The following IQCM variants were observed in gnomAD, a reference collection of about 807,000 sequenced individuals.
IQCM encodes the protein IQ motif containing M.
Under a neutral mutation model 57.6 loss-of-function variants are expected in IQCM, and 45 were observed. That is an observed-to-expected ratio of 0.78 (90% CI 0.62 to 1.00). The LOEUF (loss-of-function observed/expected upper bound fraction) is 1.00, where lower values mean the gene tolerates loss of function less well. Among genes scored for constraint, IQCM ranks in the 50% least tolerant of loss-of-function variants. IQCM has a pLI of 0.00. For missense variants in IQCM, 468 were observed against 511.6 expected, an observed-to-expected ratio of 0.91 and a Z score of 0.82; for synonymous variants, 148 against 158.9, an observed-to-expected ratio of 0.93 and a Z score of 0.51.
chr4:149,423,071 G>T (rs1234250035), intron 13 of IQCM, among the ~76,000 whole-genome samples: 1 of 151,888 alleles, frequency 6.6e-6, no homozygotes, highest in Non-Finnish European at 1.5e-5. Flanking sequence ...ATTTTAGAAG[G>T]GCTGGTTATG....
intron 13 of IQCM, among the ~76,000 whole-genome samples, chr4:149,413,349 G>T (rs774189069): frequency 1.2e-4 from 18 of 152,144 alleles, no homozygotes; most frequent in Non-Finnish European, 2.2e-4. Context: ...GAAAGAAATC[G>T]GGTGGAGCCC....
At chr4:149,702,336 A>G (rs1403416210) in intron 5 of IQCM, among the ~76,000 whole-genome samples, 4 of 148,532 alleles carry the variant, frequency 2.7e-5, no homozygotes, top group African/African-American at 9.9e-5. Flanking sequence ...ACACACCCAT[A>G]GCACATTGGC....
intron 12 of IQCM, among the ~76,000 whole-genome samples, chr4:149,542,242 A>G (rs2149878997): frequency 6.6e-6 from 1 of 152,222 alleles, no homozygotes; most frequent in Admixed American, 6.5e-5. Flanking sequence ...TAATAAAAAT[A>G]TGCTTTTAAA....
Position 149,633,721 on chromosome 4 carries a change from T to A in IQCM, c.566-12477A>T, listed in dbSNP as rs866475098. On this transcript the variant is annotated intron_variant, in intron 7 of 13. Coordinates refer to ENST00000636793, the MANE Select transcript of IQCM (RefSeq NM_001363507.2). ...GTCCACATATGAACCTTTCCTCCAG[T>A]TAAACTACTCTACGACCTTAACCTG... Among the ~76,000 whole-genome samples, 3 of 152,202 alleles carry A rather than the reference T, an allele frequency of 2.0e-5. No homozygotes were observed. In the South Asian group the frequency reaches 6.2e-4, roughly 32 times the overall value.
At chr4:149,357,890 T>G (rs1219061340) in intron 13 of IQCM, among the ~76,000 whole-genome samples, 1 of 152,222 alleles carries the variant, frequency 6.6e-6, no homozygotes, top group Non-Finnish European at 1.5e-5. Flanking sequence ...TTTTTTTGGT[T>G]GGTAAGCTAT....
At chr4:149,782,881 C>T (rs955337833) in intron 2 of IQCM, among the ~76,000 whole-genome samples, 2 of 152,134 alleles carry the variant, frequency 1.3e-5, no homozygotes, top group African/African-American at 4.8e-5. Context: ...TTCTCTTTCA[C>T]CTTCCACCCT....
At chr4:149,623,231 T>G (rs2150077386) in intron 7 of IQCM, among the ~76,000 whole-genome samples, 1 of 152,314 alleles carries the variant, frequency 6.6e-6, no homozygotes, top group African/African-American at 2.4e-5. Flanking sequence ...CTGAAAAGGT[T>G]AAATCTTACA....
chr4:149,458,356 GA>G (rs1232213413), intron 12 of IQCM, among the ~76,000 whole-genome samples: 2 of 151,890 alleles, frequency 1.3e-5, no homozygotes, highest in Non-Finnish European at 2.9e-5. Flanking sequence ...CAGGAAAAAA[GA>G]AATGATAAAA....
intron 12 of IQCM, among the ~76,000 whole-genome samples, chr4:149,542,049 CT>C (rs1178070914): frequency 3.3e-5 from 5 of 151,886 alleles, no homozygotes; most frequent in African/African-American, 1.2e-4. Flanking sequence ...AATTTAGCTC[CT>C]TTTTGTATCA....
intron 12 of IQCM, among the ~76,000 whole-genome samples, chr4:149,512,892 G>A (rs1359083340): frequency 6.6e-6 from 1 of 152,044 alleles, no homozygotes; most frequent in African/African-American, 2.4e-5. Context: ...TAACAAAGAG[G>A]GATTTAATCT....
intron 13 of IQCM, among the ~76,000 whole-genome samples, chr4:149,353,989 T>C (rs1380171775): frequency 6.6e-6 from 1 of 152,212 alleles, no homozygotes; most frequent in Admixed American, 6.5e-5. Flanking sequence ...TGCTTCACTA[T>C]AGTAACTATT....
chr4:149,457,671 A>T (rs1737842982), intron 12 of IQCM, among the ~76,000 whole-genome samples: 1 of 152,072 alleles, frequency 6.6e-6, no homozygotes, highest in East Asian at 1.9e-4. Flanking sequence ...AAATATAGAA[A>T]GTTATTTCTT....
At chr4:149,668,375 G>T (rs1225694137) in intron 7 of IQCM, among the ~76,000 whole-genome samples, 2 of 152,142 alleles carry the variant, frequency 1.3e-5, no homozygotes, top group Admixed American at 1.3e-4. Flanking sequence ...ACAAGCAAAT[G>T]TTGAGAGATT....
intron 10 of IQCM, among the ~76,000 whole-genome samples, chr4:149,556,251 A>C (rs1579476912): frequency 6.6e-6 from 1 of 152,208 alleles, no homozygotes; most frequent in East Asian, 1.9e-4. Context: ...ACATTTAATA[A>C]AATTTTCCAG....
chr4:149,775,320 A>T (rs1299723560), intron 2 of IQCM, among the ~76,000 whole-genome samples: 1 of 152,190 alleles, frequency 6.6e-6, no homozygotes, highest in Non-Finnish European at 1.5e-5. Flanking sequence ...CAAGACAAAA[A>T]AAAAAGTAGT....
At chr4:149,501,048 T>C (rs1743190704) in intron 12 of IQCM, among the ~76,000 whole-genome samples, 1 of 152,222 alleles carries the variant, frequency 6.6e-6, no homozygotes, top group African/African-American at 2.4e-5. Flanking sequence ...TTATATTTAT[T>C]TGGCATGAAA....
chr4:149,603,197 G>C (rs1754472995), intron 8 of IQCM, among the ~76,000 whole-genome samples: 1 of 152,000 alleles, frequency 6.6e-6, no homozygotes, highest in Non-Finnish European at 1.5e-5. Context: ...AATTATGGTT[G>C]ATTTTCTCTT....
chr4:149,501,930 T>C (rs924238021), intron 12 of IQCM, among the ~76,000 whole-genome samples: 2 of 152,144 alleles, frequency 1.3e-5, no homozygotes, highest in East Asian at 1.9e-4. Flanking sequence ...AATATATCAG[T>C]TTCATTAAGA....
intron 13 of IQCM, among the ~76,000 whole-genome samples, chr4:149,362,110 C>A (rs534564795): frequency 1.3e-5 from 2 of 152,192 alleles, no homozygotes; most frequent in Non-Finnish European, 2.9e-5. Context: ...TTGCATGGGC[C>A]CTGTTACTCC....
Sources: allele counts gnomAD v4.1 joint callset (sites outside exome capture counted in the v4.1 genomes callset), GRCh38; gene constraint gnomAD v4.1.1; transcripts MANE v1.5; gene names NCBI Gene and HGNC (gene_info 2026-07-23, HGNC 2026-07-21).